The following SLC2A9 variants were observed in gnomAD, a reference collection of about 807,000 sequenced individuals.
SLC2A9 encodes the protein solute carrier family 2 member 9.
SLC2A9 carries 39 observed loss-of-function variants against 50.6 expected under a neutral mutation model. That is an observed-to-expected ratio of 0.77 (90% confidence interval 0.60 to 1.01). The LOEUF is 1.01. Among genes scored for constraint, SLC2A9 ranks in the 50% least tolerant of loss-of-function variants. The pLI is 0.00. For missense variants in SLC2A9, 686 were observed against 677.6 expected, an observed-to-expected ratio of 1.01 and a Z score of -0.14; for synonymous variants, 324 against 276.9, an observed-to-expected ratio of 1.17 and a Z score of -1.69.
intron 8 of SLC2A9, among the ~76,000 whole-genome samples, chr4:9,894,879 A>G (rs780477823): frequency 3.3e-5 from 5 of 152,232 alleles, no homozygotes; most frequent in Non-Finnish European, 5.9e-5. Context: ...TGCAATCAGC[A>G]TGTGTTACAT....
At chr4:9,775,593 C>A (rs1717444360), downstream of SLC2A9, among the ~76,000 whole-genome samples, 1 of 151,974 alleles carries the variant, frequency 6.6e-6, no homozygotes, top group African/African-American at 2.4e-5. Flanking sequence ...ATAGTGAGTT[C>A]TTGTGAGATC....
At chr4:9,847,390 G>A (rs572219246) in intron 10 of SLC2A9, among the ~76,000 whole-genome samples, 3 of 152,286 alleles carry the variant, frequency 2.0e-5, no homozygotes, top group African/African-American at 7.2e-5. Context: ...CAGCATAAAA[G>A]AAACCACCTC....
intron 1 of SLC2A9, among the ~76,000 whole-genome samples, chr4:10,032,349 T>C (rs1317801715): frequency 6.6e-6 from 1 of 151,982 alleles, no homozygotes; most frequent in African/African-American, 2.4e-5. Flanking sequence ...TGGAAAGAGC[T>C]TGTGTGTGAG....
At chr4:9,941,878 G>C in intron 6 of SLC2A9, 35 bp downstream of exon 6, 2 of 1,613,288 alleles carry the variant, frequency 1.2e-6, no homozygotes, top group South Asian at 1.1e-5. Flanking sequence ...TCTATGCAGG[G>C]GCTGGAGCTG....
intron 10 of SLC2A9, among the ~76,000 whole-genome samples, chr4:9,836,463 G>T (rs1266400775): frequency 6.6e-6 from 1 of 152,150 alleles, no homozygotes; most frequent in African/African-American, 2.4e-5. Context: ...AAGACGGGAA[G>T]GTGGCTCCTG....
downstream of SLC2A9, among the ~76,000 whole-genome samples, chr4:9,795,675 A>G (rs547965870): frequency 6.6e-6 from 1 of 152,336 alleles, no homozygotes; most frequent in East Asian, 1.9e-4. Flanking sequence ...AAAAAAGACT[A>G]AAGTCTTAAT....
rs3775949 is a variant in SLC2A9 at position 9,986,043 on chromosome 4, T to G, written c.411-250A>C. Among the ~76,000 whole-genome samples the G allele has an allele frequency of 0.11, 16,194 of 152,270 alleles. 1,195 individuals carry two copies. The highest frequency in any genetic ancestry group is 0.39 in the East Asian group (2,025 of 5,164). On this transcript the variant is annotated intron_variant, in intron 3 of 11. Coordinates refer to ENST00000264784, the MANE Select transcript of SLC2A9 (RefSeq NM_020041.3). ...TTCTCTGTGGTAGTATTTTATTGCT[T>G]TAATTCTAAGACTATCATTTAACAT...
Position 9,833,686 on chromosome 4 carries a change from G to T in SLC2A9, c.1419+1195C>A, listed in dbSNP as rs563765921. 6.6e-5 allele frequency among the ~76,000 whole-genome samples: 10 copies of T among 152,344 alleles called. No homozygotes were observed. The South Asian group carries it at 8.3e-4, about 13-fold the overall frequency. On this transcript the variant is annotated intron_variant, in intron 11 of 11. Transcript: ENST00000264784. ...CACCCAAGCTGGCAGCAGAATCTCT[G>T]GGATGTGTTGGGCTTGGCACTAGTA...
chr4:9,778,118 C>T (rs1309833642), downstream of SLC2A9, among the ~76,000 whole-genome samples: 5 of 144,954 alleles, frequency 3.4e-5, no homozygotes, highest in Admixed American at 6.9e-5. Context: ...CTTTCCTTCT[C>T]CCCGCCTCCC....
chr4:9,902,139 A>G (rs532379349), intron 8 of SLC2A9, among the ~76,000 whole-genome samples: 1 of 146,170 alleles, frequency 6.8e-6, no homozygotes, highest in Non-Finnish European at 1.5e-5. Context: ...GAGCCTGACC[A>G]CAATATTTAA....
chr4:9,914,622 C>T (rs1440263277), intron 7 of SLC2A9, among the ~76,000 whole-genome samples: 1 of 152,202 alleles, frequency 6.6e-6, no homozygotes, highest in East Asian at 1.9e-4. Context: ...GACCATCTAA[C>T]GTCCCCTCTC....
intron 10 of SLC2A9, among the ~76,000 whole-genome samples, chr4:9,837,510 T>C (rs1212194542): frequency 6.6e-6 from 1 of 152,200 alleles, no homozygotes; most frequent in African/African-American, 2.4e-5. Context: ...TGTGGATAAC[T>C]CAGTACTTCT....
At chr4:9,925,050 C>G (rs1489839424) in intron 6 of SLC2A9, among the ~76,000 whole-genome samples, 2 of 152,242 alleles carry the variant, frequency 1.3e-5, no homozygotes, top group African/African-American at 4.8e-5. Context: ...CATGCAGAGC[C>G]TCCTCCCACG....
Position 9,890,940 on chromosome 4 carries a change from C to T in SLC2A9, c.1114-229G>A, listed in dbSNP as rs549480343. ...TCTTGAGCACCTACAGCATTAATAA[C>T]GAGCACTCTCCTCCGAATCTTCCTT... On this transcript the variant is annotated intron_variant, in intron 8 of 11. Transcript: ENST00000264784. Among the ~76,000 whole-genome samples the T allele has an allele frequency of 3.9e-5, 6 of 152,332 alleles. No individual in the cohort carries two copies. The South Asian group carries it at 6.2e-4, about 16-fold the overall frequency.
At chr4:9,878,142 A>T (rs191322243) in intron 10 of SLC2A9, among the ~76,000 whole-genome samples, 75 of 152,164 alleles carry the variant, frequency 4.9e-4, no homozygotes, top group Non-Finnish European at 8.2e-4. Flanking sequence ...TAACACACAC[A>T]CACATATATA....
chr4:9,802,559 CTTTTT>C (rs1238703528), intron 3 of SLC2A9, among the ~76,000 whole-genome samples: 4 of 127,036 alleles, frequency 3.1e-5, no homozygotes, highest in Non-Finnish European at 6.6e-5. Flanking sequence ...TTGTTCTTTT[CTTTTT>C]TTTTTTTTTT....
intron 3 of SLC2A9, among the ~76,000 whole-genome samples, chr4:9,817,357 T>A (rs1560147353): frequency 6.6e-6 from 1 of 152,186 alleles, no homozygotes; most frequent in African/African-American, 2.4e-5. Context: ...TCAATCAATG[T>A]TTGTCAGGCA....
chr4:10,018,585 T>TAGATAGAC, intron 2 of SLC2A9, among the ~76,000 whole-genome samples: 1 of 148,850 alleles, frequency 6.7e-6, no homozygotes, highest in Admixed American at 6.6e-5. Flanking sequence ...GATAGATAGA[T>TAGATAGAC]AGATAACAAC....
chr4:9,793,158 C>T, intron 3 of SLC2A9, among the ~76,000 whole-genome samples: 1 of 152,204 alleles, frequency 6.6e-6, no homozygotes, highest in South Asian at 2.1e-4. Flanking sequence ...GCAGCCTGAA[C>T]AGAAACGGCC....
Sources: gnomAD v4.1 joint callset for allele counts (sites outside exome capture counted in the v4.1 genomes callset) on GRCh38, gnomAD v4.1.1 for gene constraint, MANE v1.5 for transcripts, NCBI Gene and HGNC (gene_info 2026-07-23, HGNC 2026-07-21) for gene names.